HS3ST5: variants seen among roughly 807,000 people sequenced by gnomAD.
The protein encoded by HS3ST5 is heparan sulfate glucosamine 3-O-sulfotransferase 5.
Under a neutral mutation model 25.4 loss-of-function variants are expected in HS3ST5, and 10 were observed. The ratio of observed to expected loss-of-function variants is 0.39; its 90% CI spans 0.24 to 0.67. HS3ST5 has a LOEUF of 0.67. Among genes scored for constraint, HS3ST5 ranks in the 30% least tolerant of loss-of-function variants. HS3ST5 has a pLI of 0.44. For synonymous variants in HS3ST5, 170 were observed against 162.4 expected (o/e 1.05, Z -0.36); for missense variants, 324 against 420.7 (o/e 0.77, Z 2.01).
rs577747107 is a variant in HS3ST5 at position 114,105,245 on chromosome 6, C to T, written c.-32-42368G>A. Among the ~76,000 whole-genome samples, 12 of 152,258 alleles carry T rather than the reference C, an allele frequency of 7.9e-5. No individual in the cohort carries two copies. In the South Asian group the frequency reaches 2.5e-3, roughly 32 times the overall value. Reference sequence around the variant, plus strand: ...GTGATATATAATCCCTCCAAATCCTCCTAAATTCTAAGCCAAAGAAATGTC... The same window carrying T: ...GTGATATATAATCCCTCCAAATCCTTCTAAATTCTAAGCCAAAGAAATGTC... On this transcript the variant is annotated intron_variant, in intron 3 of 4. Transcript: ENST00000312719.
chr6:114,064,581 T>G (rs982762579), intron 3 of HS3ST5, among the ~76,000 whole-genome samples: 1 of 152,164 alleles, frequency 6.6e-6, no homozygotes, highest in Admixed American at 6.5e-5. Flanking sequence ...CAACACACAG[T>G]TGACAAATAC....
intron 1 of HS3ST5, among the ~76,000 whole-genome samples, chr6:114,298,615 CT>C (rs1201119479): frequency 6.6e-6 from 1 of 152,232 alleles, no homozygotes; most frequent in Non-Finnish European, 1.5e-5. Context: ...AGAGTATACA[CT>C]CTTGTCCTAT....
chr6:114,097,900 G>T (rs1374469602), intron 3 of HS3ST5, among the ~76,000 whole-genome samples: 1 of 151,872 alleles, frequency 6.6e-6, no homozygotes, highest in Non-Finnish European at 1.5e-5. Flanking sequence ...AATTTTGTGG[G>T]CTGGCAAATA....
At chr6:114,100,439 A>T (rs939119387) in intron 3 of HS3ST5, among the ~76,000 whole-genome samples, 4 of 150,714 alleles carry the variant, frequency 2.7e-5, no homozygotes, top group Admixed American at 1.3e-4. Flanking sequence ...GGTCTGATTT[A>T]AAAAAAAAAT....
chr6:114,065,219 C>G (rs562373412), intron 3 of HS3ST5, among the ~76,000 whole-genome samples: 202 of 152,294 alleles, frequency 1.3e-3, no homozygotes, highest in Non-Finnish European at 2.2e-3. Context: ...AAGTGAAGCT[C>G]ACAATTTTCT....
At chr6:114,060,248 G>A (rs558486858) in intron 4 of HS3ST5, among the ~76,000 whole-genome samples, 1 of 152,268 alleles carries the variant, frequency 6.6e-6, no homozygotes, top group East Asian at 1.9e-4. Flanking sequence ...TCCTGATCTC[G>A]TGATTCGCCT....
intron 1 of HS3ST5, among the ~76,000 whole-genome samples, chr6:114,264,443 T>C (rs1328240634): frequency 6.6e-6 from 1 of 152,222 alleles, no homozygotes; most frequent in Non-Finnish European, 1.5e-5. Flanking sequence ...AGCAAATTTC[T>C]TCAACATTCC....
chr6:114,208,216 A>G (rs993036), intron 2 of HS3ST5, among the ~76,000 whole-genome samples: 147,619 of 152,290 alleles, frequency 0.97, 71,720 homozygotes, highest in East Asian at 1. Flanking sequence ...GATGTGCGGG[A>G]GCTTCTGAGT....
At chr6:114,268,409 A>T (rs1236601121) in intron 1 of HS3ST5, among the ~76,000 whole-genome samples, 1 of 152,164 alleles carries the variant, frequency 6.6e-6, no homozygotes, top group Non-Finnish European at 1.5e-5. Context: ...CAAAGGATGG[A>T]AACAGTATAT....
intron 1 of HS3ST5, among the ~76,000 whole-genome samples, chr6:114,335,138 T>C (rs565156826): frequency 6.6e-6 from 1 of 152,256 alleles, no homozygotes; most frequent in South Asian, 2.1e-4. Flanking sequence ...GTGAGGATCA[T>C]GGCTCCACCC....
At chr6:114,099,785 T>TA (rs1775631646) in intron 3 of HS3ST5, among the ~76,000 whole-genome samples, 1 of 152,168 alleles carries the variant, frequency 6.6e-6, no homozygotes, top group Non-Finnish European at 1.5e-5. Context: ...GCGTCCATGC[T>TA]TTATCCCAGC....
At chr6:114,078,040 G>A (rs942037289) in intron 3 of HS3ST5, among the ~76,000 whole-genome samples, 10 of 152,080 alleles carry the variant, frequency 6.6e-5, no homozygotes, top group African/African-American at 2.4e-4. Context: ...TTAGCAGACT[G>A]TGCAGAAATA....
intron 1 of HS3ST5, among the ~76,000 whole-genome samples, chr6:114,320,387 C>A (rs1232930324): frequency 6.6e-6 from 1 of 152,046 alleles, no homozygotes; most frequent in African/African-American, 2.4e-5. Context: ...TCTTCCAAAT[C>A]CTTCTGTATC....
intron 3 of HS3ST5, among the ~76,000 whole-genome samples, chr6:114,120,067 C>A (rs773965039): frequency 1.3e-5 from 2 of 152,090 alleles, no homozygotes; most frequent in Non-Finnish European, 2.9e-5. Flanking sequence ...ATCACTTGAA[C>A]CTGGGAGGCA....
chr6:114,290,252 C>T (rs978515390), intron 1 of HS3ST5, among the ~76,000 whole-genome samples: 6 of 152,098 alleles, frequency 3.9e-5, no homozygotes, highest in African/African-American at 1.4e-4. Context: ...TATGAATCAG[C>T]TTTGAAAAGT....
At chr6:114,062,911 T>G (rs1011110545) in intron 3 of HS3ST5, 34 bp from the exon 4 acceptor site, 1 of 1,269,434 alleles carries the variant, frequency 7.9e-7, no homozygotes, top group African/African-American at 1.5e-5. Flanking sequence ...AGCCATCTCT[T>G]AGAGGCTCTG....
chr6:114,108,468 G>A (rs923450435), intron 3 of HS3ST5, among the ~76,000 whole-genome samples: 6 of 152,108 alleles, frequency 3.9e-5, no homozygotes, highest in African/African-American at 1.4e-4. Flanking sequence ...CGTATTGCAG[G>A]GAGCTTGTGG....
intron 3 of HS3ST5, among the ~76,000 whole-genome samples, chr6:114,068,770 C>T (rs530458877): frequency 2.6e-5 from 4 of 152,026 alleles, no homozygotes; most frequent in African/African-American, 9.7e-5. Flanking sequence ...ATAAAAAATG[C>T]TTGAAGACCT....
chr6:114,149,906 G>C (rs1778369025), intron 3 of HS3ST5, among the ~76,000 whole-genome samples: 1 of 152,092 alleles, frequency 6.6e-6, no homozygotes, highest in African/African-American at 2.4e-5. Context: ...CCAAAATTGT[G>C]GTAATTCTGC....
Sources: allele counts gnomAD v4.1 joint callset (sites outside exome capture counted in the v4.1 genomes callset), GRCh38; gene constraint gnomAD v4.1.1; transcripts MANE v1.5; gene names NCBI Gene and HGNC (gene_info 2026-07-23, HGNC 2026-07-21).